Variants in PLCE1 observed in about 807,000 individuals in gnomAD.
PLCE1 encodes the protein 1-phosphatidylinositol 4,5-bisphosphate phosphodiesterase epsilon-1.
PLCE1 carries 119 observed loss-of-function variants against 242.8 expected under a neutral mutation model. The observed-to-expected ratio is 0.49, with a 90% CI of 0.42 to 0.57. PLCE1 has a LOEUF of 0.57. Among genes scored for constraint, PLCE1 ranks in the 20% least tolerant of loss-of-function variants. The pLI, the probability that PLCE1 is intolerant of heterozygous loss-of-function variation, is 0.00. For missense variants in PLCE1, 2,441 were observed against 2,788.8 expected, an observed-to-expected ratio of 0.88 and a Z score of 2.81; for synonymous variants, 945 against 1,017.4, an observed-to-expected ratio of 0.93 and a Z score of 1.35.
At chr10:94,158,834 T>A (rs2047512903) in intron 3 of PLCE1, among the ~76,000 whole-genome samples, 1 of 150,294 alleles carries the variant, frequency 6.7e-6, no homozygotes, top group South Asian at 2.1e-4. Flanking sequence ...ATTATTATTT[T>A]AAATTTTCTT....
At chr10:94,067,111 C>G (rs984566712) in intron 2 of PLCE1, among the ~76,000 whole-genome samples, 1 of 152,186 alleles carries the variant, frequency 6.6e-6, no homozygotes, top group African/African-American at 2.4e-5. Flanking sequence ...ATTTTCCTCC[C>G]CAACCCTCAG....
At chr10:94,046,396 A>G (rs912921377) in intron 2 of PLCE1, among the ~76,000 whole-genome samples, 1 of 152,228 alleles carries the variant, frequency 6.6e-6, no homozygotes, top group African/African-American at 2.4e-5. Context: ...AAGAGCCAGT[A>G]TGGTCTGGGC....
intron 2 of PLCE1, among the ~76,000 whole-genome samples, chr10:94,128,934 A>G (rs2046515312): frequency 6.6e-6 from 1 of 152,234 alleles, no homozygotes; most frequent in Non-Finnish European, 1.5e-5. Flanking sequence ...GTGTTACCAG[A>G]TTGTTTCATT....
chr10:94,224,732 A>T (rs991792469), intron 4 of PLCE1, among the ~76,000 whole-genome samples: 1 of 152,242 alleles, frequency 6.6e-6, no homozygotes, highest in Non-Finnish European at 1.5e-5. Context: ...GAAGAATTAG[A>T]TGGATGCACC....
At chr10:94,299,610 T>C (rs1460468500) in intron 24 of PLCE1, among the ~76,000 whole-genome samples, 1 of 152,240 alleles carries the variant, frequency 6.6e-6, no homozygotes, top group East Asian at 1.9e-4. Flanking sequence ...TTATCATTCA[T>C]CTCGCGTGAA....
Position 94,270,615 on chromosome 10 carries a change from C to T in PLCE1, c.4506+13C>T. The T allele has an allele frequency of 2.7e-6, 4 of 1,455,648 alleles. No homozygotes were observed. Among genetic ancestry groups the T allele is most frequent in the Non-Finnish European group, 2.9e-6 (3 of 1,035,344 alleles). 90.2% of individuals were successfully genotyped at this position (1,455,648 alleles called of 1,614,324 possible). A position where few individuals can be genotyped will look rare whatever the true frequency, so the allele number is the denominator to read the frequency against. On this transcript the variant is annotated intron_variant, in intron 18 of 32. Transcript: ENST00000371380. ...AGAAATTTTCAAGGTGAGCTCTCAA[C>T]AAAAAGGCAGGATGGTATGTTGGCC...
At chr10:94,233,737 C>T (rs1462583383) in intron 5 of PLCE1, among the ~76,000 whole-genome samples, 1 of 152,110 alleles carries the variant, frequency 6.6e-6, no homozygotes, top group Non-Finnish European at 1.5e-5. Flanking sequence ...CGCCTGAGGT[C>T]AGGAGTTCGA....
intron 2 of PLCE1, among the ~76,000 whole-genome samples, chr10:94,082,612 C>T (rs2044685663): frequency 6.6e-6 from 1 of 152,142 alleles, no homozygotes; most frequent in Non-Finnish European, 1.5e-5. Context: ...GAGCCCAGCA[C>T]AGTGCCTGAG....
chr10:94,048,227 C>A (rs2043651950), intron 2 of PLCE1, among the ~76,000 whole-genome samples: 1 of 152,138 alleles, frequency 6.6e-6, no homozygotes, highest in African/African-American at 2.4e-5. Flanking sequence ...AACAATCCAT[C>A]CATGAATATT....
intron 22 of PLCE1, among the ~76,000 whole-genome samples, chr10:94,289,925 T>C (rs984300817): frequency 6.6e-6 from 1 of 151,828 alleles, no homozygotes; most frequent in Non-Finnish European, 1.5e-5. Context: ...TTATATTTTA[T>C]AAATTTTTAT....
At chr10:94,260,726 G>C (rs1436581392) in intron 13 of PLCE1, among the ~76,000 whole-genome samples, 1 of 151,570 alleles carries the variant, frequency 6.6e-6, no homozygotes, top group Non-Finnish European at 1.5e-5. Context: ...ACAGGGTCTT[G>C]CTCTGTTGAC....
At chr10:94,150,831 G>A (rs965859876) in intron 3 of PLCE1, among the ~76,000 whole-genome samples, 1 of 152,194 alleles carries the variant, frequency 6.6e-6, no homozygotes, top group Admixed American at 6.5e-5. Context: ...GCCTCTGGTT[G>A]GAGGAAGCAT....
At chr10:94,119,460 A>G (rs2046237560) in intron 2 of PLCE1, among the ~76,000 whole-genome samples, 2 of 152,192 alleles carry the variant, frequency 1.3e-5, no homozygotes, top group Non-Finnish European at 2.9e-5. Flanking sequence ...TAAGGACTCA[A>G]AAGGTTCCTG....
intron 2 of PLCE1, among the ~76,000 whole-genome samples, chr10:94,049,294 A>G (rs1935963): frequency 0.33 from 49,634 of 151,938 alleles, 8,917 homozygotes; most frequent in African/African-American, 0.48. Context: ...TTAAAGTTTT[A>G]TTTTTGACAT....
chr10:94,091,023 A>G (rs2045047199), intron 2 of PLCE1, among the ~76,000 whole-genome samples: 1 of 152,174 alleles, frequency 6.6e-6, no homozygotes, highest in Non-Finnish European at 1.5e-5. Context: ...CTTTTCCTCA[A>G]ATGTTTTCAG....
chr10:94,013,923 C>T (rs1264899371), intron 1 of PLCE1, among the ~76,000 whole-genome samples: 1 of 152,068 alleles, frequency 6.6e-6, no homozygotes, highest in Admixed American at 6.6e-5. Flanking sequence ...CCTTTGGGCT[C>T]CTCTCTTCCC....
At chr10:94,093,944 T>TTTTC (rs2135402748) in intron 2 of PLCE1, among the ~76,000 whole-genome samples, 1 of 130,986 alleles carries the variant, frequency 7.6e-6, no homozygotes, top group South Asian at 2.6e-4. Flanking sequence ...CTTTTTTTTT[T>TTTTC]TTTTTTTTTT....
At chr10:94,084,717 G>A (rs1352319132) in intron 2 of PLCE1, among the ~76,000 whole-genome samples, 1 of 152,152 alleles carries the variant, frequency 6.6e-6, no homozygotes, top group Non-Finnish European at 1.5e-5. Flanking sequence ...TTCTCTTGCT[G>A]CTTAAATCTT....
At chr10:94,244,962 G>A (rs1051274872) in intron 7 of PLCE1, among the ~76,000 whole-genome samples, 1 of 152,120 alleles carries the variant, frequency 6.6e-6, no homozygotes, top group African/African-American at 2.4e-5. Context: ...TCTTTCCAAG[G>A]AGTATCTTTG....
Sources: allele counts gnomAD v4.1 joint callset (sites outside exome capture counted in the v4.1 genomes callset), GRCh38; gene constraint gnomAD v4.1.1; transcripts MANE v1.5; gene names NCBI Gene and HGNC (gene_info 2026-07-23, HGNC 2026-07-21).